DNAH12: variants seen among roughly 807,000 people sequenced by gnomAD.
DNAH12 encodes the protein axonemal beta dynein heavy chain 12.
DNAH12 carries 285 observed loss-of-function variants against 371.5 expected under a neutral mutation model. The ratio of observed to expected loss-of-function variants is 0.77; its 90% CI spans 0.70 to 0.85. The LOEUF (loss-of-function observed/expected upper bound fraction) is 0.85. Among genes scored for constraint, DNAH12 ranks in the 40% least tolerant of loss-of-function variants. The probability of loss-of-function intolerance (pLI) is 0.00; values close to 1 mark genes in which losing one functional copy is unlikely to be tolerated. For synonymous variants in DNAH12, 1,200 were observed against 1,213.0 expected (o/e 0.99, Z 0.22); for missense variants, 3,611 against 3,689.4 (o/e 0.98, Z 0.55).
intron 42 of DNAH12, 62 bp from the exon 43 acceptor site, chr3:57,403,563 G>A (rs543270576): frequency 1.4e-5 from 19 of 1,383,206 alleles, no homozygotes; most frequent in Non-Finnish European, 1.8e-5. Context: ...ATAGTTACAT[G>A]TAACTATTGT....
intron 29 of DNAH12, among the ~76,000 whole-genome samples, chr3:57,438,492 C>T (rs2065201910): frequency 6.6e-6 from 1 of 152,140 alleles, no homozygotes; most frequent in African/African-American, 2.4e-5. Context: ...AGAAGTCAAA[C>T]TGTCTTCTCT....
At chr3:57,337,259 C>T (rs1553654061) in intron 60 of DNAH12, among the ~76,000 whole-genome samples, 2 of 152,202 alleles carry the variant, frequency 1.3e-5, no homozygotes, top group African/African-American at 4.8e-5. Flanking sequence ...GTAATCCCAG[C>T]ACTTTAGGAG....
chr3:57,438,375 T>C (rs1159412997), intron 29 of DNAH12, among the ~76,000 whole-genome samples: 1 of 152,150 alleles, frequency 6.6e-6, no homozygotes, highest in Non-Finnish European at 1.5e-5. Context: ...GCCTGTATAA[T>C]TATTTTATAC....
At chr3:57,534,051 G>A (rs2068942103) in intron 2 of DNAH12, among the ~76,000 whole-genome samples, 1 of 152,306 alleles carries the variant, frequency 6.6e-6, no homozygotes, top group Non-Finnish European at 1.5e-5. Flanking sequence ...TGGGATGTGC[G>A]ATTCCCCTCT....
chr3:57,428,051 C>A (rs2064837711), intron 34 of DNAH12, among the ~76,000 whole-genome samples: 1 of 151,928 alleles, frequency 6.6e-6, no homozygotes, highest in Non-Finnish European at 1.5e-5. Context: ...GCCTCAGCCT[C>A]CCGAGTAGCT....
chr3:57,320,328 A>G (rs375648555), intron 65 of DNAH12, among the ~76,000 whole-genome samples: 2 of 152,194 alleles, frequency 1.3e-5, no homozygotes, highest in Non-Finnish European at 2.9e-5. Context: ...CTCAATAAAT[A>G]TTTACTAAAT....
intron 39 of DNAH12, among the ~76,000 whole-genome samples, chr3:57,408,773 C>T (rs2064117756): frequency 6.6e-6 from 1 of 152,066 alleles, no homozygotes; most frequent in African/African-American, 2.4e-5. Flanking sequence ...TCTTACTTTT[C>T]CCTCTCTTTC....
intron 25 of DNAH12, among the ~76,000 whole-genome samples, chr3:57,449,803 C>T (rs1312505454): frequency 6.6e-6 from 1 of 152,214 alleles, no homozygotes; most frequent in Non-Finnish European, 1.5e-5. Context: ...CACAGTGCAG[C>T]GGCGGGCCGA....
At position 57,405,860 on chromosome 3, in the gene DNAH12, G is replaced by T. The variant is rs1449996229; in HGVS notation, c.6369C>A (p.Gly2123=). Residue 2123 remains glycine (G), a synonymous_variant, in exon 41 of 74, where the codon GGC becomes GGA. Coordinates refer to ENST00000495027, the MANE Select transcript of DNAH12 (RefSeq NM_001366028.2). ...NLRDFSRVIR[G]CLLIERDAVA... ...CGGCGTCTCTTTCAATGAGTAAACA[G>T]CCCCGGATGACGCGTGAAAAATCAC... 1 of 1,551,470 alleles carries T rather than the reference G, an allele frequency of 6.4e-7. No individual in the cohort carries two copies. Among genetic ancestry groups the T allele is most frequent in the Non-Finnish European group, 8.7e-7 (1 of 1,146,904 alleles).
At chr3:57,422,587 G>C (rs1042824154) in intron 35 of DNAH12, among the ~76,000 whole-genome samples, 4 of 152,200 alleles carry the variant, frequency 2.6e-5, no homozygotes, top group African/African-American at 9.6e-5. Context: ...AGGATTGCTT[G>C]AGGCCAGGAA....
intron 34 of DNAH12, among the ~76,000 whole-genome samples, chr3:57,426,679 A>G (rs1490658190): frequency 6.6e-6 from 1 of 151,822 alleles, no homozygotes; most frequent in African/African-American, 2.4e-5. Context: ...AAAAAAAAAT[A>G]TACAAAAATT....
intron 69 of DNAH12, among the ~76,000 whole-genome samples, chr3:57,303,212 G>A (rs995354163): frequency 3.3e-5 from 5 of 151,188 alleles, no homozygotes; most frequent in African/African-American, 1.2e-4. Context: ...GGTGGTGGGC[G>A]CCTGTAGTCC....
chr3:57,474,009 C>T (rs2066446451), intron 13 of DNAH12, among the ~76,000 whole-genome samples: 1 of 151,998 alleles, frequency 6.6e-6, no homozygotes. Context: ...TGTATAAAAC[C>T]TACAACAAAT....
intron 32 of DNAH12, among the ~76,000 whole-genome samples, chr3:57,430,636 C>T (rs569203206): frequency 7.2e-5 from 11 of 152,136 alleles, no homozygotes; most frequent in Non-Finnish European, 1.6e-4. Flanking sequence ...TGGCTTGCAG[C>T]TATGGAATTA....
chr3:57,470,701 T>C, intron 15 of DNAH12, 65 bp from the exon 16 acceptor site: 1 of 1,289,222 alleles, frequency 7.8e-7, no homozygotes, highest in Non-Finnish European at 1.1e-6. Context: ...TAAAATCCTA[T>C]GATACTGTGT....
rs371692701 is a variant in DNAH12, at chr3:57,429,733, T to C, written c.5022A>G (p.Gln1674=). 23 of 1,533,944 alleles carry C rather than the reference T, an allele frequency of 1.5e-5. No homozygotes were observed. Among genetic ancestry groups the C allele is most frequent in the African/African-American group, 1.2e-4 (9 of 72,272 alleles). The part of the protein sequence containing the change: ...MSGEIIQMSP[Q]MSLIFETMDL... ...CCATTGTTTCAAAGATGAGGCTCAT[T>C]TGGGGGGACATCTGAATGATTTCTC... The change falls in exon 33 of 74, where the codon CAA becomes CAG. Residue 1674 remains glutamine, a synonymous_variant. Coordinates refer to ENST00000495027, the MANE Select transcript of DNAH12 (RefSeq NM_001366028.2).
chr3:57,406,911 T>A (rs1219889515), intron 40 of DNAH12, among the ~76,000 whole-genome samples: 1 of 152,150 alleles, frequency 6.6e-6, no homozygotes, highest in Non-Finnish European at 1.5e-5. Context: ...ACTTTTTTTT[T>A]ATTTTTGAGA....
At chr3:57,539,843 T>A (rs534552425) in intron 2 of DNAH12, among the ~76,000 whole-genome samples, 3 of 151,904 alleles carry the variant, frequency 2.0e-5, no homozygotes, top group Admixed American at 1.3e-4. Flanking sequence ...GTCTTGATCT[T>A]CTGACCTTGT....
rs71088056 is a variant in DNAH12, at chr3:57,302,567, A to AT, written c.11190-629dup. On this transcript the variant is annotated intron_variant, in intron 69 of 73. Transcript: ENST00000495027. ...TATATATATATATATATATATATGT[A>AT]TTTTTTTTTTTTTTTTTTTTTTTTT... Among the ~76,000 whole-genome samples, 160 of 27,478 alleles carry AT rather than the reference A, an allele frequency of 5.8e-3. 14 individuals are homozygous for AT. Among genetic ancestry groups the AT allele is most frequent in the African/African-American group, 0.014 (112 of 7,878 alleles). 18.0% of individuals were successfully genotyped at this position (27,478 alleles called of 152,430 possible). A position where few individuals can be genotyped will look rare whatever the true frequency, so the allele number is the denominator to read the frequency against.
Sources: gnomAD v4.1 joint callset for allele counts (sites outside exome capture counted in the v4.1 genomes callset) on GRCh38, gnomAD v4.1.1 for gene constraint, MANE v1.5 for transcripts, NCBI Gene and HGNC (gene_info 2026-07-23, HGNC 2026-07-21) for gene names.